Variants in DNHD1 observed in about 807,000 individuals in gnomAD.
DNHD1 encodes the protein dynein heavy chain domain-containing protein 1.
DNHD1 carries 383 observed loss-of-function variants against 458.1 expected under a neutral mutation model. The ratio of observed to expected loss-of-function variants is 0.84; its 90% CI spans 0.77 to 0.91. DNHD1 has a LOEUF of 0.91. Ranked by LOEUF, DNHD1 falls within the 40% of genes least tolerant of loss-of-function variation. The probability of loss-of-function intolerance (pLI) is 0.00; values close to 1 mark genes in which losing one functional copy is unlikely to be tolerated. For synonymous variants in DNHD1, 2,203 were observed against 2,376.9 expected (o/e 0.93, Z 2.13); for missense variants, 5,336 against 5,866.1 (o/e 0.91, Z 2.95).
chr11:6,562,955 C>T, intron 28 of DNHD1, 27 bp from the exon 29 acceptor site: 1 of 1,546,182 alleles, frequency 6.5e-7, no homozygotes, highest in Non-Finnish European at 8.7e-7. Flanking sequence ...AGATCTGGAG[C>T]TGCAGGGCCT....
intron 39 of DNHD1, 101 bp from the exon 40 acceptor site, chr11:6,569,908 A>G: frequency 1.0e-6 from 1 of 952,398 alleles, no homozygotes; most frequent in Non-Finnish European, 1.6e-6. Context: ...AGTGGCAATG[A>G]ACCCGAAGCT....
rs1346539006 is a variant in DNHD1, at chr11:6,547,344, C to A, written c.6405C>A (p.Ser2135=). 1.9e-6 allele frequency: 3 copies of A among 1,551,788 alleles called. No individual in the cohort carries two copies. The South Asian group carries it at 3.6e-5, about 18-fold the overall frequency. Reference sequence around the variant, plus strand: ...AGGTGGCTGACACAACAGGCATATCCCCCACAGTGGTAGGCTGTTGTGCCC... The same window carrying A: ...AGGTGGCTGACACAACAGGCATATCACCCACAGTGGTAGGCTGTTGTGCCC... The part of the protein sequence containing the change: ...LMEVADTTGI[S]PTVVGCCALV... The change falls in exon 21 of 43, where the codon TCC becomes TCA. Residue 2135 remains serine, a synonymous_variant. Coordinates refer to ENST00000254579, the MANE Select transcript of DNHD1 (RefSeq NM_144666.3).
In DNHD1 at chr11:6,571,969, A is replaced by G. The variant is rs369191230; in HGVS notation, c.14245A>G (p.Ser4749Gly). 2 of 1,607,270 alleles carry G rather than the reference A, an allele frequency of 1.2e-6. No homozygotes were observed. Among genetic ancestry groups the G allele is most frequent in the South Asian group, 1.1e-5 (1 of 90,672 alleles). The change falls in exon 43 of 43, where the codon AGC becomes GGC. Residue 4749 changes from serine (S) to glycine (G), a missense_variant. This residue lies in a region of DNHD1 where 698 missense variants were observed against 664.9 expected (regional missense o/e 1.05). Transcript: ENST00000254579. This position sits in a 1 kb window ranked among gnomAD's most constrained non-coding sequence, Gnocchi z 5.0. ...TGTCCAAAGGAGGGTCCATGTGTGCAGCCCACCCCTGTCTTGAGCCCGTCT... is the reference window on the plus strand; with the variant it reads ...TGTCCAAAGGAGGGTCCATGTGTGCGGCCCACCCCTGTCTTGAGCCCGTCT... ...TCVQRRVHVC[S>G]PPLS
At chr11:6,509,727 G>A (rs570284455) in intron 6 of DNHD1, among the ~76,000 whole-genome samples, 1 of 152,056 alleles carries the variant, frequency 6.6e-6, no homozygotes, top group South Asian at 2.1e-4. Context: ...TTTGGAAAAG[G>A]TTGGTTATTC....
intron 18 of DNHD1, among the ~76,000 whole-genome samples, chr11:6,541,486 G>T (rs1333804353): frequency 6.6e-6 from 1 of 152,216 alleles, no homozygotes; most frequent in Non-Finnish European, 1.5e-5. Context: ...AAATCTGCGA[G>T]TTTCAGTTCA....
intron 24 of DNHD1, 138 bp downstream of exon 24, chr11:6,549,071 T>A: frequency 1.0e-6 from 1 of 955,946 alleles, no homozygotes; most frequent in Non-Finnish European, 1.5e-6. Flanking sequence ...CTTCTCATTC[T>A]ACATATGCTC....
rs758559303 is a variant in DNHD1 at position 6,498,752 on chromosome 11, G to A, written c.537G>A (p.Glu179=). ...QAQWSRQQVK[E]ELATWLRPLT... ...AGTGGAGCAGGCAGCAAGTAAAGGA[G>A]GAGCTGGCCACCTGGCTGCGACCAT... The change falls in exon 3 of 43, where the codon GAG becomes GAA. Residue 179 remains glutamate, a synonymous_variant. Coordinates refer to ENST00000254579, the MANE Select transcript of DNHD1 (RefSeq NM_144666.3). The A allele has an allele frequency of 3.1e-6, 5 of 1,614,108 alleles. No homozygotes were observed. Among genetic ancestry groups the A allele is most frequent in the African/African-American group, 1.3e-5 (1 of 74,956 alleles).
At chr11:6,515,899 C>T (rs576199755) in intron 7 of DNHD1, among the ~76,000 whole-genome samples, 64 of 151,368 alleles carry the variant, frequency 4.2e-4, no homozygotes, top group African/African-American at 1.5e-3. Context: ...CATCCTCTCA[C>T]CTCAGCCTCT....
intron 7 of DNHD1, 130 bp downstream of exon 7, chr11:6,511,559 T>A (rs1589867666): frequency 8.1e-7 from 1 of 1,229,304 alleles, no homozygotes; most frequent in South Asian, 1.5e-5. Context: ...TCAGAGCCAT[T>A]TTCCTGCCCA....
At chr11:6,503,017 T>G in intron 4 of DNHD1, 91 bp downstream of exon 4, 24 of 1,385,728 alleles carry the variant, frequency 1.7e-5, no homozygotes, top group Middle Eastern at 2.1e-4. Context: ...GTGCGCACCC[T>G]TCTCCCTGTC....
chr11:6,511,888 C>G (rs1448063267), intron 7 of DNHD1, among the ~76,000 whole-genome samples: 1 of 152,192 alleles, frequency 6.6e-6, no homozygotes, highest in East Asian at 1.9e-4. Flanking sequence ...CAACCCCTGC[C>G]TAGAGTTCTG....
chr11:6,563,602 G>A, intron 30 of DNHD1, 38 bp downstream of exon 30: 1 of 1,548,474 alleles, frequency 6.5e-7, no homozygotes, highest in Non-Finnish European at 8.7e-7. Flanking sequence ...GGATAGGGGA[G>A]GCATAAAGGG....
intron 40 of DNHD1, 60 bp downstream of exon 40, chr11:6,570,160 G>T (rs760921894): frequency 1.2e-6 from 2 of 1,613,360 alleles, no homozygotes; most frequent in Non-Finnish European, 1.7e-6. Flanking sequence ...GGAAGAGGGT[G>T]GGGGTGGGAT....
intron 39 of DNHD1, among the ~76,000 whole-genome samples, 192 bp downstream of exon 39, chr11:6,569,058 C>A (rs1469332049): frequency 6.6e-6 from 1 of 152,172 alleles, no homozygotes; most frequent in Non-Finnish European, 1.5e-5. Flanking sequence ...AGAGGCAAAT[C>A]AGGTAGAGAT....
At position 6,559,179 on chromosome 11, in the gene DNHD1, A is replaced by C. The variant is rs1564821231; in HGVS notation, c.9417-2A>C. ...TTCCTCACCAGCACATTGTATCTCCAGGGTCCAGAATGCCTTGGAGAATCT... is the reference window on the plus strand; with the variant it reads ...TTCCTCACCAGCACATTGTATCTCCCGGGTCCAGAATGCCTTGGAGAATCT... On this transcript the variant is annotated splice_acceptor_variant, in intron 27 of 42. Transcript: ENST00000254579. LOFTEE classifies it high-confidence loss of function. 4 of 1,551,708 alleles carry C rather than the reference A, an allele frequency of 2.6e-6. No homozygotes were observed. Among genetic ancestry groups the C allele is most frequent in the Non-Finnish European group, 3.5e-6 (4 of 1,146,994 alleles).
At chr11:6,560,954 G>A (rs1853574716) in intron 28 of DNHD1, among the ~76,000 whole-genome samples, 1 of 152,128 alleles carries the variant, frequency 6.6e-6, no homozygotes, top group Non-Finnish European at 1.5e-5. Flanking sequence ...ATAGATGATA[G>A]AATCCTTGCC....
At chr11:6,537,908 G>A (rs1251351040) in intron 14 of DNHD1, among the ~76,000 whole-genome samples, 1 of 152,044 alleles carries the variant, frequency 6.6e-6, no homozygotes, top group East Asian at 1.9e-4. Flanking sequence ...ACCAGCCCAG[G>A]TAACAGTGCA....
intron 16 of DNHD1, 80 bp downstream of exon 16, chr11:6,538,890 C>G: frequency 3.1e-6 from 4 of 1,304,738 alleles, no homozygotes; most frequent in Non-Finnish European, 4.1e-6. Context: ...TTTCCTGCTG[C>G]TCCTGCTGGA....
At position 6,519,804 on chromosome 11, in the gene DNHD1, A is replaced by C. The variant is rs376957102; in HGVS notation, c.1597A>C (p.Ile533Leu). Residue 533 changes from isoleucine (I) to leucine (L), a missense_variant, in exon 8 of 43, where the codon ATT (isoleucine) becomes CTT (leucine). Coordinates refer to ENST00000254579, the MANE Select transcript of DNHD1 (RefSeq NM_144666.3). ...TGACTACATGATTTGTCAGAGCCTC[A>C]TTTCTGTCTTGGAAGAGCAGATAAC... ...LVDYMICQSL[I>L]SVLEEQITSF... The C allele has an allele frequency of 1.5e-5, 24 of 1,613,236 alleles. No homozygotes were observed. Among genetic ancestry groups the C allele is most frequent in the Non-Finnish European group, 2.0e-5 (24 of 1,180,032 alleles).
Sources: gnomAD v4.1 joint callset for allele counts (sites outside exome capture counted in the v4.1 genomes callset) on GRCh38, gnomAD v4.1.1 for gene constraint, gnomAD v4.1.1 regional missense constraint, Gnocchi (gnomAD v3.1) non-coding constraint, MANE v1.5 for transcripts, NCBI Gene and HGNC (gene_info 2026-07-23, HGNC 2026-07-21) for gene names.